The following INPP5A variants were observed in gnomAD, a reference collection of about 807,000 sequenced individuals.
INPP5A encodes 43 kDa inositol polyphosphate 5-phophatase.
Under a neutral mutation model 65.2 loss-of-function variants are expected in INPP5A, and 14 were observed. The observed-to-expected ratio is 0.21, with a 90% CI of 0.14 to 0.34. The LOEUF (loss-of-function observed/expected upper bound fraction) is 0.34, where lower values mean the gene tolerates loss of function less well. INPP5A is among the 10% of genes least tolerant of loss of function. INPP5A has a pLI of 1.00. For missense variants in INPP5A, 431 were observed against 545.6 expected (o/e 0.79, Z 2.09); for synonymous variants, 207 against 208.3 (o/e 0.99, Z 0.05).
Position 132,753,610 on chromosome 10 carries a change from G to A in INPP5A, c.903+3765G>A, listed in dbSNP as rs769278395. 2.6e-5 allele frequency among the ~76,000 whole-genome samples: 4 copies of A among 152,186 alleles called. No individual in the cohort carries two copies. Among genetic ancestry groups the A allele is most frequent in the Admixed American group, 1.3e-4 (2 of 15,276 alleles). On this transcript the variant is annotated intron_variant, in intron 11 of 15. Transcript: ENST00000368594. The surrounding 1 kb of genome is among the most constrained non-coding windows in gnomAD (Gnocchi z 5.3). The stretch of plus-strand genomic sequence containing the variant: ...AGCTGTCAGGGCTGCAGGATGGAGT[G>A]CCCTGGTGAGGATTTGGAGAGATTA...
intron 2 of INPP5A, among the ~76,000 whole-genome samples, chr10:132,609,524 G>A (rs567217147): frequency 6.6e-6 from 1 of 152,350 alleles, no homozygotes; most frequent in African/African-American, 2.4e-5. Flanking sequence ...CTCACTGAAT[G>A]TTTAGGTGTG....
Position 132,762,970 on chromosome 10 carries a change from CAGAG to C in INPP5A, c.904-2802_904-2799del, listed in dbSNP as rs1846760826. ...CATCACTGCACTCCAGCCTGGGTGA[CAGAG>C]GGAGACTCTGTTTCAATAAATAAAT... On this transcript the variant is annotated intron_variant, in intron 11 of 15. Transcript: ENST00000368594. This position sits in a 1 kb window ranked among gnomAD's most constrained non-coding sequence, Gnocchi z 4.6. Among the ~76,000 whole-genome samples, 1 of 152,190 alleles carries C rather than the reference CAGAG, an allele frequency of 6.6e-6. No individual in the cohort carries two copies. Among genetic ancestry groups the C allele is most frequent in the Non-Finnish European group, 1.5e-5 (1 of 68,036 alleles).
chr10:132,769,466 A>C (rs1364995348), intron 12 of INPP5A, among the ~76,000 whole-genome samples: 1 of 152,166 alleles, frequency 6.6e-6, no homozygotes, highest in African/African-American at 2.4e-5. Flanking sequence ...TCAGGCCAGG[A>C]CAGCACCCAG....
At chr10:132,777,209 G>A (rs941546819) in intron 12 of INPP5A, among the ~76,000 whole-genome samples, 6 of 152,166 alleles carry the variant, frequency 3.9e-5, no homozygotes, top group East Asian at 3.9e-4. Context: ...AGGTGGGAGC[G>A]GCGTTGGTCA....
intron 9 of INPP5A, among the ~76,000 whole-genome samples, chr10:132,748,951 C>T (rs545424607): frequency 6.6e-6 from 1 of 152,348 alleles, no homozygotes; most frequent in Admixed American, 6.5e-5. Flanking sequence ...GGGCCCCTGC[C>T]CACCCCAGCC....
At chr10:132,631,241 C>A (rs903602587) in intron 2 of INPP5A, among the ~76,000 whole-genome samples, 1 of 152,186 alleles carries the variant, frequency 6.6e-6, no homozygotes, top group Non-Finnish European at 1.5e-5. Flanking sequence ...GTGCCCTGGC[C>A]GGTCCCATCG....
At chr10:132,718,225 T>A (rs1845780857) in intron 8 of INPP5A, among the ~76,000 whole-genome samples, 1 of 141,462 alleles carries the variant, frequency 7.1e-6, no homozygotes, top group Non-Finnish European at 1.5e-5. Flanking sequence ...GGTACCTGGG[T>A]TCTGTCTGGG....
At chr10:132,552,754 C>T (rs1468447031) in intron 1 of INPP5A, among the ~76,000 whole-genome samples, 13 of 134,242 alleles carry the variant, frequency 9.7e-5, no homozygotes, top group South Asian at 2.5e-4. Context: ...GATTGGTGAA[C>T]GCCTTCTCAG....
Position 132,600,103 on chromosome 10 carries a change from C to T in INPP5A, c.76-7812C>T, listed in dbSNP as rs544501797. Among the ~76,000 whole-genome samples the T allele has an allele frequency of 4.6e-5, 7 of 152,316 alleles. No individual in the cohort carries two copies. The South Asian group carries it at 1.5e-3, about 32-fold the overall frequency. On this transcript the variant is annotated intron_variant, in intron 1 of 15. Transcript: ENST00000368594. Reference sequence around the variant, plus strand: ...TTAACAACAGGCTCCTTGCTACTTACCCAGATTTCTGCAGCTGACTTGAGT... The same window carrying T: ...TTAACAACAGGCTCCTTGCTACTTATCCAGATTTCTGCAGCTGACTTGAGT...
intron 8 of INPP5A, among the ~76,000 whole-genome samples, chr10:132,723,019 C>T (rs1045053685): frequency 1.3e-5 from 2 of 152,232 alleles, no homozygotes; most frequent in South Asian, 4.1e-4. Flanking sequence ...CTTCGTCTTG[C>T]GGCCGCCGTG....
Position 132,570,777 on chromosome 10 carries a change from T to C in INPP5A, c.75+32606T>C, listed in dbSNP as rs140007550. 4.8e-3 allele frequency among the ~76,000 whole-genome samples: 731 copies of C among 152,142 alleles called. 5 individuals carry two copies. Among genetic ancestry groups the C allele is most frequent in the African/African-American group, 0.017 (685 of 41,508 alleles). On this transcript the variant is annotated intron_variant, in intron 1 of 15. Coordinates refer to ENST00000368594, the MANE Select transcript of INPP5A (RefSeq NM_005539.5). ...CCCATACGGTGGTGACACTTCTGGG[T>C]GACTGGCTGGTGCTGGGTGTTTCTG...
chr10:132,755,919 A>C (rs1192663023), intron 11 of INPP5A, among the ~76,000 whole-genome samples: 1 of 152,184 alleles, frequency 6.6e-6, no homozygotes, highest in African/African-American at 2.4e-5. Context: ...TCCAGACACA[A>C]ACGTTTGGCA....
intron 2 of INPP5A, among the ~76,000 whole-genome samples, chr10:132,624,021 G>A (rs2133363921): frequency 6.6e-6 from 1 of 152,322 alleles, no homozygotes; most frequent in African/African-American, 2.4e-5. Flanking sequence ...ACAATACTCA[G>A]TGTTGATGAA....
chr10:132,748,139 AT>A (rs1187673395), intron 9 of INPP5A, among the ~76,000 whole-genome samples: 2 of 151,942 alleles, frequency 1.3e-5, no homozygotes, highest in African/African-American at 2.4e-5. Context: ...TCTCCATATA[AT>A]CCAGTTCTAG....
chr10:132,735,737 A>G (rs886934442), intron 9 of INPP5A, among the ~76,000 whole-genome samples: 4 of 152,214 alleles, frequency 2.6e-5, no homozygotes, highest in African/African-American at 7.2e-5. Context: ...CTCCACAGCA[A>G]TGGGAGGCCG....
chr10:132,748,326 G>A (rs1176273517), intron 9 of INPP5A, among the ~76,000 whole-genome samples: 2 of 152,220 alleles, frequency 1.3e-5, no homozygotes, highest in Non-Finnish European at 2.9e-5. Flanking sequence ...CAGCGATGCA[G>A]AAACGCCGGT....
At chr10:132,733,272 A>C (rs1273240335) in intron 9 of INPP5A, among the ~76,000 whole-genome samples, 1 of 152,238 alleles carries the variant, frequency 6.6e-6, no homozygotes, top group Non-Finnish European at 1.5e-5. Flanking sequence ...CTCTGGGTGA[A>C]CATGAATCTG....
chr10:132,741,674 C>T lies in INPP5A; in HGVS notation c.733-7843C>T, dbSNP rs1397542540. Among the ~76,000 whole-genome samples, 1 of 152,114 alleles carries T rather than the reference C, an allele frequency of 6.6e-6. No individual in the cohort carries two copies. The highest frequency in any genetic ancestry group is 1.5e-5 in the Non-Finnish European group (1 of 68,026). On this transcript the variant is annotated intron_variant, in intron 9 of 15. Coordinates refer to ENST00000368594, the MANE Select transcript of INPP5A (RefSeq NM_005539.5). This position sits in a 1 kb window ranked among gnomAD's most constrained non-coding sequence, Gnocchi z 4.4. ...AGGTGGACGTTGGTATCCGCGTCCG[C>T]TTGCTTTTCTCAATAGCCAATGTAA...
chr10:132,771,856 A>C (rs149533653), intron 12 of INPP5A, among the ~76,000 whole-genome samples: 1,090 of 99,968 alleles, frequency 0.011, 118 homozygotes, highest in East Asian at 0.053. Flanking sequence ...CACGGAGGCC[A>C]CAGCAGCCAC....
Sources: gnomAD v4.1 joint callset for allele counts (sites outside exome capture counted in the v4.1 genomes callset) on GRCh38, gnomAD v4.1.1 for gene constraint, Gnocchi (gnomAD v3.1) non-coding constraint, MANE v1.5 for transcripts, NCBI Gene and HGNC (gene_info 2026-07-23, HGNC 2026-07-21) for gene names.